Variants in CELSR1 observed in about 807,000 individuals in gnomAD.
CELSR1 encodes the protein adhesion G protein-coupled receptor C1.
CELSR1 carries 110 observed loss-of-function variants against 249.1 expected under a neutral mutation model. The ratio of observed to expected loss-of-function variants is 0.44; its 90% CI spans 0.38 to 0.52. The LOEUF (loss-of-function observed/expected upper bound fraction) is 0.52, where lower values mean the gene tolerates loss of function less well. Ranked by LOEUF, CELSR1 falls within the 20% of genes least tolerant of loss-of-function variation. The pLI is 0.00. For missense variants in CELSR1, 4,109 were observed against 4,296.4 expected, an observed-to-expected ratio of 0.96 and a Z score of 1.22; for synonymous variants, 2,113 against 1,900.0, an observed-to-expected ratio of 1.11 and a Z score of -2.92.
chr22:46,521,690 G>A (rs550658796), intron 1 of CELSR1, among the ~76,000 whole-genome samples: 9 of 149,150 alleles, frequency 6.0e-5, no homozygotes, highest in African/African-American at 1.7e-4. Flanking sequence ...GGTGGCACAC[G>A]CCTATAATCC....
At position 46,432,402 on chromosome 22, in the gene CELSR1, G is replaced by A. The variant is rs527719006; in HGVS notation, c.4611+991C>T. Among the ~76,000 whole-genome samples the A allele has an allele frequency of 2.0e-5, 3 of 152,280 alleles. No individual in the cohort carries two copies. The South Asian group carries it at 6.2e-4, about 32-fold the overall frequency. ...TCTCCTGGAGGACAGAGGAGCCCTC[G>A]TCTGCCAACCAAGCTTAGGCCCCAG... On this transcript the variant is annotated intron_variant, in intron 5 of 34. Transcript: ENST00000674500.
chr22:46,462,186 G>T (rs6520016), intron 2 of CELSR1, among the ~76,000 whole-genome samples: 61,111 of 152,138 alleles, frequency 0.4, 13,139 homozygotes, highest in South Asian at 0.55. Context: ...AGAGACAGCG[G>T]GGGGAAGAGC....
chr22:46,399,097 G>A lies in CELSR1; in HGVS notation c.5413-460C>T, dbSNP rs1468253007. 6.6e-6 allele frequency among the ~76,000 whole-genome samples: 1 copy of A among 152,240 alleles called. No homozygotes were observed. Among genetic ancestry groups the A allele is most frequent in the Non-Finnish European group, 1.5e-5 (1 of 68,038 alleles). On this transcript the variant is annotated intron_variant, in intron 10 of 34. Coordinates refer to ENST00000674500, the MANE Select transcript of CELSR1 (RefSeq NM_001378328.1). This position sits in a 1 kb window ranked among gnomAD's most constrained non-coding sequence, Gnocchi z 5.0. ...ACCTATTTACTCCCAGGTCTGTGTTGTAAGATGAGCCTTGGCTCCAAGAGC... is the reference window on the plus strand; with the variant it reads ...ACCTATTTACTCCCAGGTCTGTGTTATAAGATGAGCCTTGGCTCCAAGAGC...
At chr22:46,470,502 G>C (rs1041527276) in intron 1 of CELSR1, among the ~76,000 whole-genome samples, 1 of 151,608 alleles carries the variant, frequency 6.6e-6, no homozygotes, top group Non-Finnish European at 1.5e-5. Context: ...GGGATAAAAC[G>C]ATGACATAAC....
In CELSR1 at chr22:46,506,824, G is replaced by A. The variant is rs771742186; in HGVS notation, c.3544+26803C>T. 6.6e-6 allele frequency among the ~76,000 whole-genome samples: 1 copy of A among 152,342 alleles called. No homozygotes were observed. Among genetic ancestry groups the A allele is most frequent in the Admixed American group, 6.5e-5 (1 of 15,304 alleles). ...CAGGAAGCTGAGGCCAAGCCCGGGGGTGTCTTCTCCACGGTCTGTCACCCG... is the reference window on the plus strand; with the variant it reads ...CAGGAAGCTGAGGCCAAGCCCGGGGATGTCTTCTCCACGGTCTGTCACCCG... On this transcript the variant is annotated intron_variant, in intron 1 of 34. Coordinates refer to ENST00000674500, the MANE Select transcript of CELSR1 (RefSeq NM_001378328.1). The surrounding 1 kb of genome is among the most constrained non-coding windows in gnomAD (Gnocchi z 4.1).
In CELSR1 at chr22:46,364,044, G is replaced by A. The variant is rs765471848; in HGVS notation, c.8987C>T (p.Ala2996Val). 12 of 1,611,808 alleles carry A rather than the reference G, an allele frequency of 7.4e-6. No homozygotes were observed. The highest frequency in any genetic ancestry group is 1.0e-5 in the Non-Finnish European group (12 of 1,179,472). ...EPGRDHLNGV[A>V]MNVRTGSAQA... is the part of the protein sequence containing the mutation. ...GGCGCTCCCAGTGCGCACATTCATG[G>A]CCACCCCGTTGAGGTGGTCACGCCC... The change falls in exon 34 of 35, where the codon GCC (alanine) becomes GTC (valine). Residue 2996 changes from alanine to valine, a missense_variant. Around this residue, in one of 7 missense-constraint regions of CELSR1, gnomAD observed 1,805 missense variants for 1,831.6 expected, o/e 0.99. Coordinates refer to ENST00000674500, the MANE Select transcript of CELSR1 (RefSeq NM_001378328.1).
Position 46,512,436 on chromosome 22 carries a change from G to A in CELSR1, c.3544+21191C>T, listed in dbSNP as rs1418975765. Among the ~76,000 whole-genome samples the A allele has an allele frequency of 6.6e-6, 1 of 152,184 alleles. No homozygotes were observed. The highest frequency in any genetic ancestry group is 1.5e-5 in the Non-Finnish European group (1 of 68,036). On this transcript the variant is annotated intron_variant, in intron 1 of 34. Coordinates refer to ENST00000674500, the MANE Select transcript of CELSR1 (RefSeq NM_001378328.1). The surrounding 1 kb of genome is among the most constrained non-coding windows in gnomAD (Gnocchi z 5.2). ...AATACAAAAAAATTAGCCCGGTGTG[G>A]TGGTGTACACCTATAATCCCAGCTA...
chr22:46,463,634 GA>G, intron 2 of CELSR1, 72 bp downstream of exon 2: 3 of 1,417,224 alleles, frequency 2.1e-6, no homozygotes, highest in Non-Finnish European at 2.8e-6. Flanking sequence ...GTAAACAGAG[GA>G]AACCACCTGA....
intron 1 of CELSR1, among the ~76,000 whole-genome samples, chr22:46,493,093 TA>T (rs543571197): frequency 1.9e-3 from 279 of 150,642 alleles, no homozygotes; most frequent in Non-Finnish European, 3.3e-3. Context: ...AAAATAAAAG[TA>T]AAAAAATTAG....
chr22:46,414,246 T>G (rs2079370876), intron 5 of CELSR1, among the ~76,000 whole-genome samples: 1 of 152,230 alleles, frequency 6.6e-6, no homozygotes, highest in Admixed American at 6.5e-5. Flanking sequence ...CAGGATGTGC[T>G]GCTCGATTCT....
rs2079360413 is a variant in CELSR1, at chr22:46,413,371, T to G, written c.4612-1612A>C. Among the ~76,000 whole-genome samples the G allele has an allele frequency of 6.6e-6, 1 of 152,200 alleles. No homozygotes were observed. Among genetic ancestry groups the G allele is most frequent in the South Asian group, 2.1e-4 (1 of 4,826 alleles). ...GCACGCCCTGCCTGGAGTTGTGCAG[T>G]GGGCAGCCTGCACAACTGTATGTGG... On this transcript the variant is annotated intron_variant, in intron 5 of 34. Transcript: ENST00000674500. This position sits in a 1 kb window ranked among gnomAD's most constrained non-coding sequence, Gnocchi z 4.7.
chr22:46,416,495 G>A (rs1201065257), intron 5 of CELSR1, among the ~76,000 whole-genome samples: 1 of 152,222 alleles, frequency 6.6e-6, no homozygotes, highest in Non-Finnish European at 1.5e-5. Flanking sequence ...GGCAGGCAGC[G>A]CACACAGTGA....
At position 46,433,545 on chromosome 22, in the gene CELSR1, G is replaced by A. The variant is rs2079621724; in HGVS notation, c.4523-64C>T. The A allele has an allele frequency of 2.3e-6, 3 of 1,317,654 alleles. No individual in the cohort carries two copies. The highest frequency in any genetic ancestry group is 3.2e-6 in the Non-Finnish European group (3 of 928,538). 81.6% of individuals were successfully genotyped at this position (1,317,654 alleles called of 1,614,324 possible). A position where few individuals can be genotyped will look rare whatever the true frequency, so the allele number is the denominator to read the frequency against. ...TTGGCGGGGCCTACTGGGGACCGAG[G>A]ATTGCGCTGTGAGGCATCAGGGGGA... On this transcript the variant is annotated intron_variant, in intron 4 of 34. Coordinates refer to ENST00000674500, the MANE Select transcript of CELSR1 (RefSeq NM_001378328.1). The surrounding 1 kb of genome is among the most constrained non-coding windows in gnomAD (Gnocchi z 5.7).
At position 46,399,858 on chromosome 22, in the gene CELSR1, G is replaced by T; in HGVS notation, c.5271C>A (p.Ser1757=). 1 of 1,614,142 alleles carries T rather than the reference G, an allele frequency of 6.2e-7. No homozygotes were observed. The highest frequency in any genetic ancestry group is 2.2e-5 in the East Asian group (1 of 44,886). The stretch of plus-strand genomic sequence containing the variant: ...CGGACAGCATCACGGACTCCACATC[G>T]GAGGGGCCGTGGGACACCTCAAACT... The part of the protein sequence containing the change: ...YLQFEVSHGP[S]DVESVMLSGL... Residue 1757 remains serine (S), a synonymous_variant, in exon 10 of 35, where the codon TCC becomes TCA. Coordinates refer to ENST00000674500, the MANE Select transcript of CELSR1 (RefSeq NM_001378328.1). The surrounding 1 kb of genome is among the most constrained non-coding windows in gnomAD (Gnocchi z 5.0).
intron 2 of CELSR1, among the ~76,000 whole-genome samples, chr22:46,461,543 G>A (rs2147574268): frequency 6.6e-6 from 1 of 152,342 alleles, no homozygotes; most frequent in Middle Eastern, 3.4e-3. Context: ...AGCCACGTTA[G>A]ACGTTACCCT....
chr22:46,362,749 C>T lies in CELSR1; in HGVS notation c.*474G>A, dbSNP rs1330766525. The T allele has an allele frequency of 2.2e-4, 41 of 190,592 alleles. No individual in the cohort carries two copies. The highest frequency in any genetic ancestry group is 3.3e-5 in the Non-Finnish European group (3 of 91,976). 11.8% of individuals were successfully genotyped at this position (190,592 alleles called of 1,614,324 possible). A position where few individuals can be genotyped will look rare whatever the true frequency, so the allele number is the denominator to read the frequency against. On this transcript the variant is annotated 3_prime_UTR_variant, in exon 35 of 35. Transcript: ENST00000674500. ...CCCACATAGCGAAGTGATTTTAAGACAAGGGGTGCCTTTGCAAAGGACTGC... is the reference window on the plus strand; with the variant it reads ...CCCACATAGCGAAGTGATTTTAAGATAAGGGGTGCCTTTGCAAAGGACTGC...
intron 33 of CELSR1, 49 bp downstream of exon 33, chr22:46,364,463 C>T: frequency 6.4e-7 from 1 of 1,568,674 alleles, no homozygotes; most frequent in Non-Finnish European, 8.7e-7. Context: ...AGGGACTGGC[C>T]CTTCTGGGTC....
Position 46,399,145 on chromosome 22 carries a change from C to G in CELSR1, c.5413-508G>C, listed in dbSNP as rs554771685. On this transcript the variant is annotated intron_variant, in intron 10 of 34. Transcript: ENST00000674500. The surrounding 1 kb of genome is among the most constrained non-coding windows in gnomAD (Gnocchi z 5.0). ...AGCTCTTGGAGATCCCAGGTCGCCC[C>G]TTAAGTGTGTGGGCATTTCACAGAC... Among the ~76,000 whole-genome samples, 7 of 152,334 alleles carry G rather than the reference C, an allele frequency of 4.6e-5. No homozygotes were observed. In the South Asian group the frequency reaches 1.5e-3, roughly 32 times the overall value.
rs2079306510 is a variant in CELSR1 at position 46,409,511 on chromosome 22, GC to G, written c.5059+243del. Among the ~76,000 whole-genome samples, 1 of 152,162 alleles carries G rather than the reference GC, an allele frequency of 6.6e-6. No individual in the cohort carries two copies. Among genetic ancestry groups the G allele is most frequent in the Non-Finnish European group, 1.5e-5 (1 of 68,028 alleles). ...GGCTGGGGTGCTGGGGCTGGGCTCT[GC>G]CGGCCCAGCCTACCTGTCCCACCCC... On this transcript the variant is annotated intron_variant, in intron 8 of 34. Coordinates refer to ENST00000674500, the MANE Select transcript of CELSR1 (RefSeq NM_001378328.1). The surrounding 1 kb of genome is among the most constrained non-coding windows in gnomAD (Gnocchi z 9.8).
Sources: gnomAD v4.1 joint callset for allele counts (sites outside exome capture counted in the v4.1 genomes callset) on GRCh38, gnomAD v4.1.1 for gene constraint, gnomAD v4.1.1 regional missense constraint, Gnocchi (gnomAD v3.1) non-coding constraint, MANE v1.5 for transcripts, NCBI Gene and HGNC (gene_info 2026-07-23, HGNC 2026-07-21) for gene names.